Variants in FAM184B observed in about 807,000 individuals in gnomAD.
FAM184B encodes the protein protein FAM184B.
In FAM184B, 111 loss-of-function variants were observed where a neutral mutation model predicts 135.9. The ratio of observed to expected loss-of-function variants is 0.82; its 90% CI spans 0.70 to 0.96. The LOEUF is 0.96. FAM184B is among the 40% of genes least tolerant of loss of function. The pLI is 0.00. For missense variants in FAM184B, 1,375 were observed against 1,323.9 expected (o/e 1.04, Z -0.60); for synonymous variants, 552 against 524.8 (o/e 1.05, Z -0.71).
At chr4:17,638,481 C>T (rs1715214509) in intron 14 of FAM184B, among the ~76,000 whole-genome samples, 1 of 152,006 alleles carries the variant, frequency 6.6e-6, no homozygotes, top group South Asian at 2.1e-4. Flanking sequence ...GGATTACAGG[C>T]ATGAGCCACC....
intron 11 of FAM184B, among the ~76,000 whole-genome samples, chr4:17,648,348 C>G (rs1054368722): frequency 6.6e-6 from 1 of 151,328 alleles, no homozygotes. Flanking sequence ...TATGTCAACT[C>G]TTTTTTATTT....
intron 7 of FAM184B, among the ~76,000 whole-genome samples, chr4:17,674,491 G>T (rs1716266110): frequency 6.6e-6 from 1 of 152,142 alleles, no homozygotes; most frequent in African/African-American, 2.4e-5. Context: ...GATGGCTGCT[G>T]ACTGATCAGA....
intron 11 of FAM184B, among the ~76,000 whole-genome samples, chr4:17,652,135 T>A (rs1715635754): frequency 1.0e-5 from 1 of 96,702 alleles, no homozygotes; most frequent in Non-Finnish European, 2.3e-5. Flanking sequence ...ATATCTTTTT[T>A]TTTTTTTTTT....
chr4:17,707,008 G>T (rs935134485), intron 3 of FAM184B, among the ~76,000 whole-genome samples: 1 of 152,038 alleles, frequency 6.6e-6, no homozygotes, highest in East Asian at 1.9e-4. Context: ...GGCTGGTCTC[G>T]AACTCCTGAT....
At chr4:17,642,858 CCAACAGCAAATGGAGT>C (rs1715363086) in intron 12 of FAM184B, among the ~76,000 whole-genome samples, 1 of 152,252 alleles carries the variant, frequency 6.6e-6, no homozygotes, top group African/African-American at 2.4e-5. Flanking sequence ...AAATTGCTGT[CCAACAGCAAATGGAGT>C]CAGATTTAAT....
At chr4:17,777,159 C>A (rs1245772578) in intron 1 of FAM184B, among the ~76,000 whole-genome samples, 1 of 151,960 alleles carries the variant, frequency 6.6e-6, no homozygotes, top group Non-Finnish European at 1.5e-5. Flanking sequence ...ACCCATAGAA[C>A]AGGATAAATA....
chr4:17,652,966 C>G lies in FAM184B; in HGVS notation c.2055G>C (p.Leu685Phe). 1 of 1,551,734 alleles carries G rather than the reference C, an allele frequency of 6.4e-7. No individual in the cohort carries two copies. ...GGAGGCTGTGGCTGGATTCCTTCTTCAAGCGTTCCTCTGTGGCCTGTGGGA... is the reference window on the plus strand; with the variant it reads ...GGAGGCTGTGGCTGGATTCCTTCTTGAAGCGTTCCTCTGTGGCCTGTGGGA... ...HQELKATEER[L>F]KKESSHSLQI... The change falls in exon 11 of 18, where the codon TTG becomes TTC. Residue 685 changes from leucine to phenylalanine, a missense_variant. Coordinates refer to ENST00000265018, the MANE Select transcript of FAM184B (RefSeq NM_015688.2).
intron 17 of FAM184B, 131 bp from the exon 18 acceptor site, chr4:17,632,756 CATT>C (rs1714998836): frequency 3.3e-6 from 2 of 607,688 alleles, no homozygotes; most frequent in Non-Finnish European, 5.8e-6. Flanking sequence ...GACTGGCCAA[CATT>C]AGTAGTGGGA....
rs879336645 is a variant in FAM184B, at chr4:17,725,929, C to CT, written c.142-16286dup. Among the ~76,000 whole-genome samples the CT allele has an allele frequency of 2.6e-3, 382 of 145,224 alleles. 1 individual carries two copies. The highest frequency in any genetic ancestry group is 0.013 in the South Asian group (62 of 4,602). ...TACGGATTTACTAATCAAAACTCTT[C>CT]TTTTTTTTTTTTGTGACAGAGTCTT... is the stretch of plus-strand genomic sequence containing the variant. On this transcript the variant is annotated intron_variant, in intron 1 of 17. Transcript: ENST00000265018.
intron 1 of FAM184B, among the ~76,000 whole-genome samples, chr4:17,759,222 T>C (rs977366055): frequency 6.6e-6 from 1 of 152,176 alleles, no homozygotes; most frequent in Non-Finnish European, 1.5e-5. Flanking sequence ...CATGTCGAAT[T>C]GTAATCCCCA....
At chr4:17,692,034 A>G (rs1716748258) in intron 6 of FAM184B, among the ~76,000 whole-genome samples, 1 of 147,146 alleles carries the variant, frequency 6.8e-6, no homozygotes, top group Admixed American at 7.1e-5. Flanking sequence ...GTCGGGCAAC[A>G]GAGCGAGACT....
chr4:17,696,120 A>C (rs2108959971), intron 5 of FAM184B, among the ~76,000 whole-genome samples: 1 of 152,328 alleles, frequency 6.6e-6, no homozygotes, highest in Middle Eastern at 3.4e-3. Flanking sequence ...GGCACTTTAC[A>C]CAGATCATCT....
chr4:17,649,806 A>G (rs1169438463), intron 11 of FAM184B, among the ~76,000 whole-genome samples: 3 of 151,690 alleles, frequency 2.0e-5, no homozygotes, highest in Non-Finnish European at 1.5e-5. Context: ...CTATCCATCT[A>G]CCTATCCATC....
intron 1 of FAM184B, among the ~76,000 whole-genome samples, chr4:17,741,278 T>A (rs1271096159): frequency 1.3e-5 from 2 of 152,172 alleles, no homozygotes; most frequent in Non-Finnish European, 1.5e-5. Flanking sequence ...GGAGTTACAA[T>A]TTTAGACAAG....
At chr4:17,720,311 A>G (rs1293933615) in intron 1 of FAM184B, among the ~76,000 whole-genome samples, 3 of 152,130 alleles carry the variant, frequency 2.0e-5, no homozygotes, top group Admixed American at 2.0e-4. Context: ...TTCCCACAAT[A>G]TTCCTCATCT....
chr4:17,665,052 C>T (rs375751826), intron 7 of FAM184B, among the ~76,000 whole-genome samples: 2 of 152,164 alleles, frequency 1.3e-5, no homozygotes, highest in East Asian at 1.9e-4. Flanking sequence ...GGTATGGTTC[C>T]ATGCATAACC....
chr4:17,676,334 C>T (rs149419042), intron 7 of FAM184B, among the ~76,000 whole-genome samples: 164 of 152,234 alleles, frequency 1.1e-3, no homozygotes, highest in Non-Finnish European at 1.9e-3. Flanking sequence ...CCATCTTCTA[C>T]GGGCATGGTT....
At chr4:17,765,530 TC>T (rs1162535371) in intron 1 of FAM184B, among the ~76,000 whole-genome samples, 63 of 145,468 alleles carry the variant, frequency 4.3e-4, no homozygotes, top group Non-Finnish European at 2.9e-5. Context: ...ATTTCACAGT[TC>T]TTAGCAGCAT....
At chr4:17,736,372 C>T (rs936986276) in intron 1 of FAM184B, among the ~76,000 whole-genome samples, 5 of 152,118 alleles carry the variant, frequency 3.3e-5, no homozygotes, top group Non-Finnish European at 7.4e-5. Flanking sequence ...GAATCTTAAT[C>T]GTTACTCAAT....
Sources: gnomAD v4.1 joint callset for allele counts (sites outside exome capture counted in the v4.1 genomes callset) on GRCh38, gnomAD v4.1.1 for gene constraint, MANE v1.5 for transcripts, NCBI Gene and HGNC (gene_info 2026-07-23, HGNC 2026-07-21) for gene names.